Variants in GRAMD2B observed in about 807,000 individuals in gnomAD.
The protein encoded by GRAMD2B is GRAM domain containing 2B.
GRAMD2B carries 41 observed loss-of-function variants against 59.2 expected under a neutral mutation model. The observed-to-expected ratio is 0.69, with a 90% CI of 0.54 to 0.90. The LOEUF is 0.90. Ranked by LOEUF, GRAMD2B falls within the 40% of genes least tolerant of loss-of-function variation. The pLI is 0.00. For missense variants in GRAMD2B, 424 were observed against 500.5 expected, an observed-to-expected ratio of 0.85 and a Z score of 1.46; for synonymous variants, 161 against 182.7, an observed-to-expected ratio of 0.88 and a Z score of 0.96.
chr5:126,462,515 C>CA, intron 1 of GRAMD2B: 1 of 837,212 alleles, frequency 1.2e-6, no homozygotes, highest in Non-Finnish European at 1.4e-6. Context: ...CATCTTTAAG[C>CA]AAAAACCTAA....
chr5:126,462,407 A>G lies in GRAMD2B; in HGVS notation c.84-3019A>G, dbSNP rs78533419. On this transcript the variant is annotated intron_variant, in intron 1 of 13. Coordinates refer to ENST00000285689, the MANE Select transcript of GRAMD2B (RefSeq NM_023927.4). ...CGCTAGCCTCTGCTGCTTGAATTCT[A>G]CATAGTTTCAGTCTGCTGCTGACAA... The G allele has an allele frequency of 8.9e-4, 878 of 985,182 alleles. 3 individuals carry two copies. The African/African-American group carries it at 0.014, about 16-fold the overall frequency. The allele number at this position is 985,182 out of a possible 1,614,324, so 61.0% of individuals were successfully genotyped here. A position where few individuals can be genotyped will look rare whatever the true frequency, so the allele number is the denominator to read the frequency against.
At chr5:126,465,645 T>C (rs1306887037) in intron 2 of GRAMD2B, 100 bp downstream of exon 2, 2 of 1,014,848 alleles carry the variant, frequency 2.0e-6, no homozygotes, top group Non-Finnish European at 2.9e-6. Context: ...GATGTATTAA[T>C]ACTATAGACA....
chr5:126,482,646 T>C (rs989122567), intron 8 of GRAMD2B, among the ~76,000 whole-genome samples: 1 of 152,242 alleles, frequency 6.6e-6, no homozygotes, highest in African/African-American at 2.4e-5. Flanking sequence ...CCTTCTCCTA[T>C]AAATCCTTGT....
chr5:126,417,864 C>T (rs1156428358), intron 1 of GRAMD2B, among the ~76,000 whole-genome samples: 1 of 152,152 alleles, frequency 6.6e-6, no homozygotes, highest in East Asian at 1.9e-4. Context: ...TACCCCCCTG[C>T]AAGTCTGGAA....
intron 5 of GRAMD2B, 140 bp from the exon 6 acceptor site, chr5:126,477,552 C>CT: frequency 1.5e-6 from 1 of 674,756 alleles, no homozygotes. Flanking sequence ...GTAAGACTGG[C>CT]TTTTTTTCAT....
intron 1 of GRAMD2B, among the ~76,000 whole-genome samples, chr5:126,391,337 A>AAAAAAAAAAAAAAAAAC (rs1561471900): frequency 4.3e-5 from 6 of 140,388 alleles, no homozygotes; most frequent in Non-Finnish European, 7.8e-5. Context: ...AAAAAAAAAA[A>AAAAAAAAAAAAAAAAAC]AAACTTGTAC....
At chr5:126,386,483 T>C (rs766654075) in intron 1 of GRAMD2B, among the ~76,000 whole-genome samples, 2 of 152,216 alleles carry the variant, frequency 1.3e-5, no homozygotes, top group Non-Finnish European at 2.9e-5. Context: ...GTTCTGAATC[T>C]GGAAGTAAAT....
chr5:126,486,005 A>G (rs990969450), intron 11 of GRAMD2B, among the ~76,000 whole-genome samples: 1 of 152,164 alleles, frequency 6.6e-6, no homozygotes, highest in African/African-American at 2.4e-5. Context: ...GGGTACCATT[A>G]GTTGGGAAAT....
chr5:126,362,396 G>T (rs1397774740), intron 1 of GRAMD2B, among the ~76,000 whole-genome samples: 1 of 152,038 alleles, frequency 6.6e-6, no homozygotes. Flanking sequence ...TTAATTTCAT[G>T]CTTTCTAAAT....
chr5:126,409,661 G>T (rs1202160072), intron 1 of GRAMD2B, among the ~76,000 whole-genome samples: 5 of 152,026 alleles, frequency 3.3e-5, no homozygotes, highest in African/African-American at 9.6e-5. Context: ...TGATGGTAGT[G>T]TCTTTTGCTG....
chr5:126,382,589 C>T (rs921183546), intron 1 of GRAMD2B, among the ~76,000 whole-genome samples: 3 of 151,952 alleles, frequency 2.0e-5, no homozygotes, highest in Admixed American at 1.3e-4. Flanking sequence ...TTTTTCTGAC[C>T]ATATCCTGTA....
intron 1 of GRAMD2B, among the ~76,000 whole-genome samples, chr5:126,447,861 A>G (rs1405744590): frequency 7.4e-6 from 1 of 135,488 alleles, no homozygotes; most frequent in African/African-American, 2.9e-5. Flanking sequence ...CCCATTTATA[A>G]TTTTTTTTTT....
intron 1 of GRAMD2B, among the ~76,000 whole-genome samples, chr5:126,392,711 G>A (rs1470612450): frequency 6.6e-6 from 1 of 151,886 alleles, no homozygotes; most frequent in Non-Finnish European, 1.5e-5. Context: ...TCATGGGAGG[G>A]TGAGGTGGGG....
At chr5:126,492,388 CTCT>C (rs1370524614) in intron 13 of GRAMD2B, among the ~76,000 whole-genome samples, 1 of 151,550 alleles carries the variant, frequency 6.6e-6, no homozygotes, top group African/African-American at 2.4e-5. Context: ...CTGCCATTCT[CTCT>C]TTTTTTTTTT....
intron 1 of GRAMD2B, among the ~76,000 whole-genome samples, chr5:126,375,591 C>T (rs577918404): frequency 6.6e-6 from 1 of 152,142 alleles, no homozygotes; most frequent in South Asian, 2.1e-4. Flanking sequence ...AGGATGGTCT[C>T]GATCTCCTGA....
At chr5:126,465,213 T>C in intron 1 of GRAMD2B, 2 of 1,405,840 alleles carry the variant, frequency 1.4e-6, no homozygotes, top group Non-Finnish European at 1.8e-6. Flanking sequence ...CATTTACAAG[T>C]GAAACAGGTG....
intron 1 of GRAMD2B, among the ~76,000 whole-genome samples, chr5:126,414,399 A>G (rs547551394): frequency 6.6e-6 from 1 of 152,296 alleles, no homozygotes; most frequent in East Asian, 1.9e-4. Context: ...AATAAAAACT[A>G]AATTCTGACT....
intron 1 of GRAMD2B, among the ~76,000 whole-genome samples, chr5:126,457,338 AAT>A (rs1766494461): frequency 6.6e-6 from 1 of 151,830 alleles, no homozygotes; most frequent in African/African-American, 2.4e-5. Flanking sequence ...CTTTTGGTTA[AAT>A]ATATAGGTCT....
chr5:126,386,208 ATTTC>A, intron 1 of GRAMD2B, among the ~76,000 whole-genome samples: 1 of 152,234 alleles, frequency 6.6e-6, no homozygotes, highest in South Asian at 2.1e-4. Context: ...AAAGACATTC[ATTTC>A]TTTTGTGTAG....
Sources: gnomAD v4.1 joint callset for allele counts (sites outside exome capture counted in the v4.1 genomes callset) on GRCh38, gnomAD v4.1.1 for gene constraint, MANE v1.5 for transcripts, NCBI Gene and HGNC (gene_info 2026-07-23, HGNC 2026-07-21) for gene names.